Variants in SLC12A6 observed in about 807,000 individuals in gnomAD.
SLC12A6 encodes the protein K-Cl cotransporter 3.
SLC12A6 carries 66 observed loss-of-function variants against 135.3 expected under a neutral mutation model. The observed-to-expected ratio is 0.49, with a 90% CI of 0.40 to 0.60. SLC12A6 has a LOEUF of 0.60. Among genes scored for constraint, SLC12A6 ranks in the 20% least tolerant of loss-of-function variants. The pLI is 0.00. For synonymous variants in SLC12A6, 513 were observed against 508.8 expected (o/e 1.01, Z -0.11); for missense variants, 1,058 against 1,452.3 (o/e 0.73, Z 4.41).
intron 2 of SLC12A6, among the ~76,000 whole-genome samples, chr15:34,330,629 C>T (rs948024614): frequency 1.3e-5 from 2 of 151,706 alleles, no homozygotes; most frequent in Admixed American, 6.6e-5. Flanking sequence ...GATCACACCA[C>T]TGTATCCAGC....
chr15:34,262,998 A>G (rs1302607236), intron 3 of SLC12A6, among the ~76,000 whole-genome samples: 2 of 152,222 alleles, frequency 1.3e-5, no homozygotes, highest in African/African-American at 2.4e-5. Flanking sequence ...CAAAGTGGCC[A>G]AGAAAAATCC....
rs117211620 is a variant in SLC12A6, at chr15:34,241,675, G to A, written c.2163-338C>T. On this transcript the variant is annotated intron_variant, in intron 17 of 25. Coordinates refer to ENST00000354181, the MANE Select transcript of SLC12A6 (RefSeq NM_001365088.1). ...GAGTTTAAGTTACTTTGAAAATAAT[G>A]CAGAGAAAGTAAAGTTCAATGTGAT... is the stretch of plus-strand genomic sequence containing the variant. 8.5e-3 allele frequency among the ~76,000 whole-genome samples: 1,301 copies of A among 152,302 alleles called. 12 individuals are homozygous for A. Among genetic ancestry groups the A allele is most frequent in the Non-Finnish European group, 0.013 (896 of 68,024 alleles).
At position 34,275,345 on chromosome 15, in the gene SLC12A6, C is replaced by G; in HGVS notation, c.316G>C (p.Asp106His). 6.7e-7 allele frequency: 1 copy of G among 1,488,886 alleles called. No homozygotes were observed. The highest frequency in any genetic ancestry group is 9.4e-7 in the Non-Finnish European group (1 of 1,066,652). 92.2% of individuals were successfully genotyped at this position (1,488,886 alleles called of 1,614,324 possible). Residue 106 changes from aspartate to histidine, a missense_variant and splice_region_variant, in exon 3 of 26, where the codon GAC (aspartate) becomes CAC (histidine). Physicochemically the swap from Asp to His is moderately conservative, Grantham distance 81 (BLOSUM62 -1). Coordinates refer to ENST00000354181, the MANE Select transcript of SLC12A6 (RefSeq NM_001365088.1). ...SITGEHSQLL[D>H]DGHKKARNAY... ...GTCAATCCCCACAGTAATACTATAC[C>G]TAACAGTTGGCTGTGTTCCCCTGTG...
At chr15:34,285,585 G>A (rs576615751) in intron 2 of SLC12A6, among the ~76,000 whole-genome samples, 2 of 151,666 alleles carry the variant, frequency 1.3e-5, no homozygotes, top group Admixed American at 1.3e-4. Context: ...TTTAAATTAG[G>A]TGTGAGTTCT....
intron 2 of SLC12A6, among the ~76,000 whole-genome samples, chr15:34,287,181 G>A (rs1207380358): frequency 6.6e-6 from 1 of 152,042 alleles, no homozygotes; most frequent in African/African-American, 2.4e-5. Flanking sequence ...CCCTCCCTGT[G>A]TCCATGTGTT....
chr15:34,250,538 G>C lies in SLC12A6; in HGVS notation c.1591+93C>G, dbSNP rs56761496. 97,364 of 852,094 alleles carry C rather than the reference G, an allele frequency of 0.11. 6,411 individuals carry two copies. Among genetic ancestry groups the C allele is most frequent in the East Asian group, 0.25 (10,026 of 40,594 alleles). The allele number at this position is 852,094 out of a possible 1,614,324, so 52.8% of individuals were successfully genotyped here. On this transcript the variant is annotated intron_variant, in intron 12 of 25. Transcript: ENST00000354181. ...GCAAGAAGTGAAGTGATAGAAAGCA[G>C]GTATCTTTGTTACCAGGATAAAAAT...
Position 34,336,744 on chromosome 15 carries a change from T to G in SLC12A6, c.-64A>C. 1 of 1,244,570 alleles carries G rather than the reference T, an allele frequency of 8.0e-7. No individual in the cohort carries two copies. Among genetic ancestry groups the G allele is most frequent in the African/African-American group, 1.5e-5 (1 of 67,736 alleles). The allele number at this position is 1,244,570 out of a possible 1,614,324, so 77.1% of individuals were successfully genotyped here. ...CGCAAAATCTTCCTCTTACGCTAGC[T>G]ACTTTTGACTGCAATACAAAAGATA... On this transcript the variant is annotated 5_prime_UTR_variant, in exon 2 of 26. Transcript: ENST00000354181.
chr15:34,260,727 A>G (rs1893060085), intron 4 of SLC12A6, among the ~76,000 whole-genome samples, 199 bp downstream of exon 4: 1 of 152,246 alleles, frequency 6.6e-6, no homozygotes, highest in African/African-American at 2.4e-5. Flanking sequence ...CTTCCTTACT[A>G]CATAACAATT....
At chr15:34,323,902 C>G (rs894528881) in intron 2 of SLC12A6, among the ~76,000 whole-genome samples, 2 of 145,026 alleles carry the variant, frequency 1.4e-5, no homozygotes, top group Admixed American at 1.4e-4. Flanking sequence ...AATTGTGCCA[C>G]TGCACGCCAG....
chr15:34,258,773 G>C lies in SLC12A6; in HGVS notation c.543+40C>G, dbSNP rs199559560. 11 of 1,551,474 alleles carry C rather than the reference G, an allele frequency of 7.1e-6. No individual in the cohort carries two copies. In the Admixed American group the frequency reaches 1.0e-4, roughly 14 times the overall value. On this transcript the variant is annotated intron_variant, in intron 5 of 25. Transcript: ENST00000354181. ...GGTATTTCCTTCTTTCTTATATACA[G>C]GGCTCTTTCTATGTATTCCTTGTTA...
At chr15:34,259,808 C>T (rs1334731919) in intron 4 of SLC12A6, among the ~76,000 whole-genome samples, 1 of 152,156 alleles carries the variant, frequency 6.6e-6, no homozygotes, top group African/African-American at 2.4e-5. Context: ...TATAGAAGTC[C>T]TCTTCATTAT....
chr15:34,273,960 T>G (rs1302725394), intron 3 of SLC12A6, among the ~76,000 whole-genome samples: 1 of 152,168 alleles, frequency 6.6e-6, no homozygotes, highest in Non-Finnish European at 1.5e-5. Flanking sequence ...TTTAAACATG[T>G]ACATATCTTT....
In SLC12A6 at chr15:34,245,311, C is replaced by T; in HGVS notation, c.1917G>A (p.Leu639=). 6.2e-7 allele frequency: 1 copy of T among 1,603,482 alleles called. No homozygotes were observed. Among genetic ancestry groups the T allele is most frequent in the Non-Finnish European group, 8.5e-7 (1 of 1,170,286 alleles). Residue 639 remains leucine, a synonymous_variant, in exon 15 of 26, where the codon CTG becomes CTA. Coordinates refer to ENST00000354181, the MANE Select transcript of SLC12A6 (RefSeq NM_001365088.1). ...IAELGILIAS[L]DLVAPILSMF... ...TGGAAAGAATTGGGGCCACAAGATCCAGGGAGGCAATGAGTATTCCAAGCT... is the reference window on the plus strand; with the variant it reads ...TGGAAAGAATTGGGGCCACAAGATCTAGGGAGGCAATGAGTATTCCAAGCT...
chr15:34,277,041 G>T (rs1894343453), intron 2 of SLC12A6, among the ~76,000 whole-genome samples: 1 of 152,042 alleles, frequency 6.6e-6, no homozygotes, highest in African/African-American at 2.4e-5. Context: ...TTTGAAAAAG[G>T]AAAATTTGAA....
intron 2 of SLC12A6, among the ~76,000 whole-genome samples, chr15:34,311,904 CTG>C (rs1437514192): frequency 1.3e-5 from 2 of 152,192 alleles, no homozygotes; most frequent in Non-Finnish European, 2.9e-5. Context: ...GTCCCTTCCT[CTG>C]AGATACCTGT....
chr15:34,288,279 G>A (rs79426295), intron 2 of SLC12A6, among the ~76,000 whole-genome samples: 1 of 152,212 alleles, frequency 6.6e-6, no homozygotes, highest in East Asian at 1.9e-4. Context: ...GTTTGTCAAA[G>A]ATCAGATGGT....
intron 2 of SLC12A6, among the ~76,000 whole-genome samples, chr15:34,332,201 T>C (rs1360945998): frequency 6.6e-6 from 1 of 152,254 alleles, no homozygotes; most frequent in East Asian, 1.9e-4. Flanking sequence ...GCTTTGTCTA[T>C]TAGATCATAA....
rs549223771 is a variant in SLC12A6, at chr15:34,309,222, G to A, written c.271+27188C>T. Reference sequence around the variant, plus strand: ...AGCCTGGCCAAAGCAAGAAATTCTCGATTCTTTAAATTTACCAGCTTATAA... The same window carrying A: ...AGCCTGGCCAAAGCAAGAAATTCTCAATTCTTTAAATTTACCAGCTTATAA... On this transcript the variant is annotated intron_variant, in intron 2 of 25. Transcript: ENST00000354181. 2.4e-4 allele frequency among the ~76,000 whole-genome samples: 37 copies of A among 152,046 alleles called. No individual in the cohort carries two copies. The East Asian group carries it at 6.6e-3, about 27-fold the overall frequency.
At chr15:34,292,065 T>G (rs1191377225) in intron 2 of SLC12A6, among the ~76,000 whole-genome samples, 2 of 152,156 alleles carry the variant, frequency 1.3e-5, no homozygotes, top group Non-Finnish European at 2.9e-5. Context: ...AGAAGAGGCA[T>G]TCTGGTTTTT....
Sources: gnomAD v4.1 joint callset for allele counts (sites outside exome capture counted in the v4.1 genomes callset) on GRCh38, gnomAD v4.1.1 for gene constraint, MANE v1.5 for transcripts, NCBI Gene and HGNC (gene_info 2026-07-23, HGNC 2026-07-21) for gene names.